The following SDSL variants were observed in gnomAD, a reference collection of about 807,000 sequenced individuals.
SDSL encodes serine dehydratase-like.
In SDSL, 26 loss-of-function variants were observed where a neutral mutation model predicts 27.6. The observed-to-expected ratio is 0.94, with a 90% CI of 0.69 to 1.31. The LOEUF (loss-of-function observed/expected upper bound fraction) is 1.31. Among genes scored for constraint, SDSL ranks in the 50% most tolerant of loss-of-function variants. The pLI is 0.00. For missense variants in SDSL, 431 were observed against 423.5 expected (o/e 1.02, Z -0.16); for synonymous variants, 196 against 180.6 (o/e 1.09, Z -0.69).
At chr12:113,424,454 T>C (rs1162981247) in intron 1 of SDSL, among the ~76,000 whole-genome samples, 1 of 152,240 alleles carries the variant, frequency 6.6e-6, no homozygotes, top group Non-Finnish European at 1.5e-5. Flanking sequence ...TCAACATTTC[T>C]GATTATTTTG....
At chr12:113,431,838 A>G (rs12824484) in intron 4 of SDSL, among the ~76,000 whole-genome samples, 12,483 of 149,818 alleles carry the variant, frequency 0.083, 803 homozygotes, top group African/African-American at 0.18. Flanking sequence ...TCCCGGGTTC[A>G]CACCGTTCTC....
At position 113,428,016 on chromosome 12, in the gene SDSL, G is replaced by A; in HGVS notation, c.34G>A (p.Glu12Lys). 1 of 1,613,512 alleles carries A rather than the reference G, an allele frequency of 6.2e-7. No homozygotes were observed. The highest frequency in any genetic ancestry group is 1.1e-5 in the South Asian group (1 of 90,894). ...CCCTGTGGCAGAGCATGCCAAGCAG[G>A]AGCCCTTTCACGTGGTCACACCTCT... is the stretch of plus-strand genomic sequence containing the variant. ...DGPVAEHAKQ[E>K]PFHVVTPLLE... The change falls in exon 2 of 8, where the codon GAG becomes AAG. Residue 12 changes from glutamate (E) to lysine (K), a missense_variant. By Grantham distance (56) the Glu-to-Lys change is moderately conservative. Transcript: ENST00000403593.
Position 113,434,147 on chromosome 12 carries a change from C to T in SDSL, c.368C>T (p.Ala123Val). 1 of 1,613,580 alleles carries T rather than the reference C, an allele frequency of 6.2e-7. No individual in the cohort carries two copies. The highest frequency in any genetic ancestry group is 8.5e-7 in the Non-Finnish European group (1 of 1,179,712). Reference sequence around the variant, plus strand: ...GTTTCTCTGTAGGTCTGGGACGAGGCCAATCTGAGGGCGCAAGAGTTGGCC... The same window carrying T: ...GTTTCTCTGTAGGTCTGGGACGAGGTCAATCTGAGGGCGCAAGAGTTGGCC... Reference protein sequence around the residue: ...VQLTGKVWDEANLRAQELAKR... With the variant: ...VQLTGKVWDEVNLRAQELAKR... The change falls in exon 5 of 8, where the codon GCC becomes GTC. Residue 123 changes from alanine (A) to valine (V), a missense_variant. Coordinates refer to ENST00000403593, the MANE Select transcript of SDSL (RefSeq NM_001304993.2).
At position 113,434,163 on chromosome 12, in the gene SDSL, A is replaced by G. The variant is rs1345825054; in HGVS notation, c.384A>G (p.Gln128=). 6.2e-7 allele frequency: 1 copy of G among 1,613,824 alleles called. No homozygotes were observed. The highest frequency in any genetic ancestry group is 1.3e-5 in the African/African-American group (1 of 75,042). ...GGGACGAGGCCAATCTGAGGGCGCAAGAGTTGGCCAAGAGGGACGGCTGGG... is the reference window on the plus strand; with the variant it reads ...GGGACGAGGCCAATCTGAGGGCGCAGGAGTTGGCCAAGAGGGACGGCTGGG... ...KVWDEANLRA[Q]ELAKRDGWEN... Residue 128 remains glutamine (Q), a synonymous_variant, in exon 5 of 8, where the codon CAA becomes CAG. Transcript: ENST00000403593.
chr12:113,426,038 A>G (rs1486299634), intron 1 of SDSL: 3 of 398,444 alleles, frequency 7.5e-6, no homozygotes, highest in South Asian at 1.8e-5. Flanking sequence ...ACCACCTCCC[A>G]ATGGCTTTCC....
chr12:113,428,263 C>T (rs1957875799), intron 2 of SDSL, 107 bp downstream of exon 2: 13 of 1,323,012 alleles, frequency 9.8e-6, no homozygotes, highest in Non-Finnish European at 1.2e-5. Context: ...AACATGAACT[C>T]GTGCAGATGG....
At chr12:113,436,323 C>T (rs1957992539) in intron 6 of SDSL, among the ~76,000 whole-genome samples, 1 of 151,060 alleles carries the variant, frequency 6.6e-6, no homozygotes, top group Admixed American at 6.6e-5. Context: ...GAATCTCACT[C>T]TGTTTCCCAG....
In SDSL at chr12:113,428,148, T is replaced by C. The variant is rs761623253; in HGVS notation, c.166T>C (p.Cys56Arg). The change falls in exon 2 of 8, where the codon TGC becomes CGC. Residue 56 changes from cysteine (C) to arginine (R), a missense_variant. Physicochemically the swap from Cys to Arg is radical, Grantham distance 180. Transcript: ENST00000403593. Reference protein sequence around the residue: ...SFKIRGIGHFCQEMAKKGCRH... With the variant: ...SFKIRGIGHFRQEMAKKGCRH... ...CAAGATTCGGGGCATTGGGCATTTC[T>C]GCCAGGAGGTGAGGGTGTGTGGGAA... The C allele has an allele frequency of 6.2e-7, 1 of 1,609,742 alleles. No homozygotes were observed. The highest frequency in any genetic ancestry group is 1.1e-5 in the South Asian group (1 of 90,252).
At chr12:113,426,153 C>G in intron 1 of SDSL, 1 of 455,998 alleles carries the variant, frequency 2.2e-6, no homozygotes, top group Non-Finnish European at 4.4e-6. Context: ...CCCTCACCTC[C>G]TGCCCCAAAC....
Position 113,431,404 on chromosome 12 carries a change from G to A in SDSL, c.354+2105G>A, listed in dbSNP as rs145928218. Reference sequence around the variant, plus strand: ...AGAGGAGGCTGCTTGGGGCCCTACAGGTGAGAGATGTCAAGCACTACACGG... The same window carrying A: ...AGAGGAGGCTGCTTGGGGCCCTACAAGTGAGAGATGTCAAGCACTACACGG... On this transcript the variant is annotated intron_variant, in intron 4 of 7. Coordinates refer to ENST00000403593, the MANE Select transcript of SDSL (RefSeq NM_001304993.2). 1.1e-4 allele frequency among the ~76,000 whole-genome samples: 17 copies of A among 152,270 alleles called. No homozygotes were observed. The East Asian group carries it at 3.3e-3, about 29-fold the overall frequency.
chr12:113,426,278 A>G (rs552594622), intron 1 of SDSL: 1 of 455,828 alleles, frequency 2.2e-6, no homozygotes, highest in South Asian at 1.5e-5. Flanking sequence ...TCCATTTCAA[A>G]GTTCCCCTTT....
chr12:113,423,892 G>T (rs1281413312), intron 1 of SDSL, among the ~76,000 whole-genome samples: 5 of 152,114 alleles, frequency 3.3e-5, no homozygotes, highest in African/African-American at 1.2e-4. Context: ...ACCCAACATG[G>T]GTGCCCTTAC....
At position 113,437,959 on chromosome 12, in the gene SDSL, G is replaced by T; in HGVS notation, c.870G>T (p.Arg290Ser). 6.2e-7 allele frequency: 1 copy of T among 1,614,132 alleles called. No individual in the cohort carries two copies. Among genetic ancestry groups the T allele is most frequent in the Middle Eastern group, 1.7e-4 (1 of 6,060 alleles). ...LAAIYSGLLR[R>S]LQAEGCLPPS... ...CCATCTACTCAGGCCTCCTGCGGAG[G>T]CTCCAGGCCGAGGGCTGCCTGCCCC... The change falls in exon 8 of 8, where the codon AGG (arginine) becomes AGT (serine). Residue 290 changes from arginine (R) to serine (S), a missense_variant. Coordinates refer to ENST00000403593, the MANE Select transcript of SDSL (RefSeq NM_001304993.2).
intron 1 of SDSL, among the ~76,000 whole-genome samples, 158 bp from the exon 2 acceptor site, chr12:113,427,804 A>C (rs190144317): frequency 6.6e-6 from 1 of 152,358 alleles, no homozygotes; most frequent in Non-Finnish European, 1.5e-5. Flanking sequence ...ACTGAGGCCC[A>C]GAGAGTCACA....
chr12:113,424,148 G>A (rs1475370430), intron 1 of SDSL, among the ~76,000 whole-genome samples: 8 of 151,916 alleles, frequency 5.3e-5, no homozygotes, highest in South Asian at 2.1e-4. Context: ...TCAGCCTCCC[G>A]AGTAGCTGGG....
chr12:113,426,802 G>A (rs1055116774), intron 1 of SDSL, among the ~76,000 whole-genome samples: 1 of 152,002 alleles, frequency 6.6e-6, no homozygotes, highest in Non-Finnish European at 1.5e-5. Context: ...AGCCAGACGT[G>A]GTGATGTGTG....
intron 5 of SDSL, 82 bp downstream of exon 5, chr12:113,434,304 G>A: frequency 9.2e-7 from 1 of 1,084,144 alleles, no homozygotes; most frequent in Non-Finnish European, 1.3e-6. Context: ...GGCAGAAGGA[G>A]AAACTGAGGC....
chr12:113,434,033 C>T, intron 4 of SDSL, 101 bp from the exon 5 acceptor site: 1 of 935,408 alleles, frequency 1.1e-6, no homozygotes, highest in Non-Finnish European at 1.7e-6. Context: ...TGTCCCCAGA[C>T]TACTAGATCC....
At chr12:113,435,829 A>T (rs1425315141) in intron 6 of SDSL, among the ~76,000 whole-genome samples, 1 of 152,234 alleles carries the variant, frequency 6.6e-6, no homozygotes, top group Non-Finnish European at 1.5e-5. Context: ...TAAGTTTGAA[A>T]ATGTAGGCCA....
Sources: allele counts gnomAD v4.1 joint callset (sites outside exome capture counted in the v4.1 genomes callset), GRCh38; gene constraint gnomAD v4.1.1; transcripts MANE v1.5; gene names NCBI Gene and HGNC (gene_info 2026-07-23, HGNC 2026-07-21).